SLC39A11: variants seen among roughly 807,000 people sequenced by gnomAD.
SLC39A11 encodes the protein zinc transporter ZIP11.
In SLC39A11, 33 loss-of-function variants were observed where a neutral mutation model predicts 36.1. The ratio of observed to expected loss-of-function variants is 0.91; its 90% confidence interval spans 0.69 to 1.22. SLC39A11 has a LOEUF of 1.22. Among genes scored for constraint, SLC39A11 ranks in the 50% most tolerant of loss-of-function variants. The pLI, the probability that SLC39A11 is intolerant of heterozygous loss-of-function variation, is 0.00. For synonymous variants in SLC39A11, 166 were observed against 170.3 expected (o/e 0.97, Z 0.20); for missense variants, 432 against 430.3 (o/e 1.00, Z -0.03).
intron 4 of SLC39A11, among the ~76,000 whole-genome samples, chr17:72,975,031 T>C (rs566286243): frequency 6.6e-6 from 1 of 152,314 alleles, no homozygotes; most frequent in Admixed American, 6.5e-5. Context: ...GTACACTCTA[T>C]GATGTTTGAA....
At chr17:72,811,687 G>T (rs748739013) in intron 6 of SLC39A11, among the ~76,000 whole-genome samples, 45 of 152,118 alleles carry the variant, frequency 3.0e-4, no homozygotes, top group Non-Finnish European at 4.0e-4. Context: ...TATCTTTCAG[G>T]TTCATCCAAA....
At chr17:72,659,574 CTTTTTTT>C (rs34383683) in intron 7 of SLC39A11, among the ~76,000 whole-genome samples, 10 of 61,202 alleles carry the variant, frequency 1.6e-4, no homozygotes, top group African/African-American at 5.4e-4. Context: ...CTCTGTGACT[CTTTTTTT>C]TTTTTTTTTT....
At chr17:72,958,750 C>T (rs1419706715) in intron 4 of SLC39A11, among the ~76,000 whole-genome samples, 2 of 151,896 alleles carry the variant, frequency 1.3e-5, no homozygotes, top group African/African-American at 4.8e-5. Context: ...ACTCGGGAGG[C>T]TGAGGTGCAA....
intron 5 of SLC39A11, among the ~76,000 whole-genome samples, chr17:72,878,082 T>C (rs944421735): frequency 4.6e-5 from 7 of 151,222 alleles, no homozygotes; most frequent in African/African-American, 1.7e-4. Context: ...TGGTTTTTTG[T>C]CCTTGCGATA....
chr17:72,814,663 A>G (rs1469489671), intron 6 of SLC39A11, among the ~76,000 whole-genome samples: 1 of 152,256 alleles, frequency 6.6e-6, no homozygotes, highest in Non-Finnish European at 1.5e-5. Context: ...CAAACAAGCT[A>G]TAAAGGTTAA....
In SLC39A11 at chr17:72,963,169, C is replaced by CTTTTTTTT. The variant is rs5821936; in HGVS notation, c.307-15302_307-15295dup. ...TGGGGTATAATTCTTTTTTTCCTTT[C>CTTTTTTTT]TTTTTTTTTTTTTTTTTTTGAGATG... On this transcript the variant is annotated intron_variant, in intron 4 of 9. Transcript: ENST00000255559. Among the ~76,000 whole-genome samples the CTTTTTTTT allele has an allele frequency of 5.9e-4, 68 of 114,542 alleles. 1 individual carries two copies. The highest frequency in any genetic ancestry group is 1.8e-3 in the African/African-American group (52 of 28,810). The allele number at this position is 114,542 out of a possible 152,430, so 75.1% of individuals were successfully genotyped here. A position where few individuals can be genotyped will look rare whatever the true frequency, so the allele number is the denominator to read the frequency against.
chr17:72,647,653 C>G lies in SLC39A11; in HGVS notation c.939G>C (p.Gly313=). 1 of 1,613,806 alleles carries G rather than the reference C, an allele frequency of 6.2e-7. No homozygotes were observed. Among genetic ancestry groups the G allele is most frequent in the Non-Finnish European group, 8.5e-7 (1 of 1,179,814 alleles). The change falls in exon 10 of 10, where the codon GGG becomes GGC. Residue 313 remains glycine, a synonymous_variant. Coordinates refer to ENST00000255559, the MANE Select transcript of SLC39A11 (RefSeq NM_139177.4). ...IIPEAQISGN[G]KLASWASILG... is the part of the protein sequence containing the mutation. ...GGATGGAGGCCCAGGATGCCAGTTT[C>G]CCATTACCACTGGAAGAGAAGGACA...
At chr17:72,896,192 C>CT (rs771180987) in intron 5 of SLC39A11, among the ~76,000 whole-genome samples, 3,954 of 74,638 alleles carry the variant, frequency 0.053, 670 homozygotes, top group Non-Finnish European at 0.067. Flanking sequence ...CACATTAATC[C>CT]TTTTTTTTTT....
chr17:72,774,631 A>C (rs1744374043), intron 6 of SLC39A11, among the ~76,000 whole-genome samples: 1 of 152,162 alleles, frequency 6.6e-6, no homozygotes, highest in South Asian at 2.1e-4. Flanking sequence ...ATCTTGCATT[A>C]ATTGGGCATG....
At chr17:72,739,267 C>T (rs1265744068) in intron 6 of SLC39A11, among the ~76,000 whole-genome samples, 5 of 151,908 alleles carry the variant, frequency 3.3e-5, no homozygotes, top group Admixed American at 6.6e-5. Context: ...AGCAGGACTA[C>T]AGGCATGCGC....
At chr17:72,981,996 C>T (rs747423029) in intron 4 of SLC39A11, among the ~76,000 whole-genome samples, 9 of 152,116 alleles carry the variant, frequency 5.9e-5, no homozygotes, top group Non-Finnish European at 8.8e-5. Flanking sequence ...TAATCCCAGC[C>T]ACTTGGGAGG....
At chr17:72,711,459 T>G (rs2073101200) in intron 7 of SLC39A11, among the ~76,000 whole-genome samples, 1 of 152,192 alleles carries the variant, frequency 6.6e-6, no homozygotes, top group African/African-American at 2.4e-5. Context: ...GATGGTAAAG[T>G]AGAAATCTAG....
At chr17:72,989,174 C>G (rs540598669) in intron 4 of SLC39A11, among the ~76,000 whole-genome samples, 4 of 152,156 alleles carry the variant, frequency 2.6e-5, no homozygotes, top group Non-Finnish European at 5.9e-5. Context: ...GTGTCTTTCA[C>G]CACAATAAAA....
chr17:72,669,650 A>G (rs959267549), intron 7 of SLC39A11, among the ~76,000 whole-genome samples: 3 of 152,146 alleles, frequency 2.0e-5, no homozygotes, highest in African/African-American at 7.2e-5. Flanking sequence ...TCCACTATGA[A>G]GCCATCATTT....
intron 6 of SLC39A11, among the ~76,000 whole-genome samples, chr17:72,847,738 A>G (rs1269863841): frequency 1.3e-5 from 2 of 152,244 alleles, no homozygotes; most frequent in African/African-American, 2.4e-5. Flanking sequence ...GCAAAACAAT[A>G]TCAAGTTATA....
intron 4 of SLC39A11, among the ~76,000 whole-genome samples, chr17:73,026,024 G>T (rs923296300): frequency 6.6e-6 from 1 of 151,732 alleles, no homozygotes; most frequent in Non-Finnish European, 1.5e-5. Context: ...AGGCTGAGGC[G>T]GGAGAACAAC....
intron 4 of SLC39A11, among the ~76,000 whole-genome samples, chr17:72,949,285 C>A (rs1320716033): frequency 6.6e-6 from 1 of 150,666 alleles, no homozygotes; most frequent in Non-Finnish European, 1.5e-5. Flanking sequence ...CTCAGCCTCC[C>A]GAGTAGCTGG....
intron 3 of SLC39A11, chr17:73,067,896 G>A: frequency 6.2e-7 from 1 of 1,607,910 alleles, no homozygotes; most frequent in Non-Finnish European, 8.5e-7. Flanking sequence ...TTGCAGTAAT[G>A]TAAAACCAGT....
intron 6 of SLC39A11, among the ~76,000 whole-genome samples, chr17:72,761,767 G>C (rs2075586761): frequency 6.6e-6 from 1 of 152,198 alleles, no homozygotes. Flanking sequence ...CCCAGGGAAA[G>C]AGATTTCTAT....
Sources: allele counts gnomAD v4.1 joint callset (sites outside exome capture counted in the v4.1 genomes callset), GRCh38; gene constraint gnomAD v4.1.1; transcripts MANE v1.5; gene names NCBI Gene and HGNC (gene_info 2026-07-23, HGNC 2026-07-21).